The following NLGN1 variants were observed in gnomAD, a reference collection of about 807,000 sequenced individuals.
NLGN1 encodes the protein neuroligin-1.
NLGN1 carries 12 observed loss-of-function variants against 65.5 expected under a neutral mutation model. The observed-to-expected ratio is 0.18, with a 90% CI of 0.12 to 0.30. The LOEUF is 0.30. Among genes scored for constraint, NLGN1 ranks in the 10% least tolerant of loss-of-function variants. NLGN1 has a pLI of 1.00. For synonymous variants in NLGN1, 350 were observed against 359.5 expected (o/e 0.97, Z 0.30); for missense variants, 750 against 1,007.1 (o/e 0.74, Z 3.46).
chr3:173,870,719 A>T (rs939053356), intron 4 of NLGN1, among the ~76,000 whole-genome samples: 3 of 152,162 alleles, frequency 2.0e-5, no homozygotes, highest in African/African-American at 7.2e-5. Flanking sequence ...TAGAACATTC[A>T]TTGTGGTGCT....
chr3:173,663,302 G>A (rs1761210260), intron 3 of NLGN1, among the ~76,000 whole-genome samples: 1 of 151,890 alleles, frequency 6.6e-6, no homozygotes, highest in Non-Finnish European at 1.5e-5. Flanking sequence ...ACATAACAAT[G>A]ATTATGTTAA....
At chr3:174,234,249 C>T (rs1741244789) in intron 4 of NLGN1, among the ~76,000 whole-genome samples, 1 of 152,026 alleles carries the variant, frequency 6.6e-6, no homozygotes, top group African/African-American at 2.4e-5. Flanking sequence ...TACACTTGGT[C>T]AAGCAGGTGA....
At chr3:174,045,913 T>TA (rs1044059607) in intron 4 of NLGN1, among the ~76,000 whole-genome samples, 1 of 152,178 alleles carries the variant, frequency 6.6e-6, no homozygotes, top group African/African-American at 2.4e-5. Flanking sequence ...ATTTCTATAA[T>TA]AAGAATTCCA....
At chr3:173,928,714 C>T (rs951126677) in intron 4 of NLGN1, among the ~76,000 whole-genome samples, 1 of 150,240 alleles carries the variant, frequency 6.7e-6, no homozygotes, top group African/African-American at 2.5e-5. Context: ...CTCTGTTGCC[C>T]AGGCTGGAGT....
At chr3:173,509,115 T>C (rs9816017) in intron 2 of NLGN1, among the ~76,000 whole-genome samples, 20,721 of 152,090 alleles carry the variant, frequency 0.14, 2,828 homozygotes, top group African/African-American at 0.36. Context: ...AAACCTGAAG[T>C]TCATTAAATA....
chr3:174,018,754 AC>A (rs1727132606), intron 4 of NLGN1, among the ~76,000 whole-genome samples: 1 of 152,118 alleles, frequency 6.6e-6, no homozygotes, highest in East Asian at 1.9e-4. Flanking sequence ...TTCCTCTGCA[AC>A]CTCATATGCA....
intron 4 of NLGN1, among the ~76,000 whole-genome samples, chr3:173,836,530 C>T (rs1398931406): frequency 6.6e-6 from 1 of 152,104 alleles, no homozygotes; most frequent in Non-Finnish European, 1.5e-5. Flanking sequence ...AATATGCTCT[C>T]ACCAATAAAA....
rs1749903398 is a variant in NLGN1, at chr3:174,273,574, T to TA, written c.647-1741_647-1740insA. Among the ~76,000 whole-genome samples the TA allele has an allele frequency of 2.0e-5, 3 of 151,724 alleles. No individual in the cohort carries two copies. In the Admixed American group the frequency reaches 2.0e-4, roughly 10 times the overall value. ...TGAATATTGAGTATTTGCAAATACT[T>TA]CTATCTAAGAAGATACCATAAAAAT... On this transcript the variant is annotated intron_variant, in intron 4 of 6. Coordinates refer to ENST00000457714, the Ensembl canonical transcript of NLGN1.
chr3:174,038,276 C>T (rs181378663), intron 4 of NLGN1, among the ~76,000 whole-genome samples: 98 of 152,228 alleles, frequency 6.4e-4, no homozygotes, highest in South Asian at 3.1e-3. Context: ...GATTTTTTAA[C>T]GCCAAGGCTA....
chr3:173,875,258 A>G (rs1030130752), intron 4 of NLGN1, among the ~76,000 whole-genome samples: 2 of 152,188 alleles, frequency 1.3e-5, no homozygotes, highest in African/African-American at 2.4e-5. Flanking sequence ...ATTTCTACAT[A>G]TGACAGTGAC....
At position 173,895,771 on chromosome 3, in the gene NLGN1, A is replaced by G. The variant is rs1736243162; in HGVS notation, c.646+87939A>G. 2.6e-5 allele frequency among the ~76,000 whole-genome samples: 4 copies of G among 151,322 alleles called. No individual in the cohort carries two copies. The South Asian group carries it at 8.4e-4, about 32-fold the overall frequency. On this transcript the variant is annotated intron_variant, in intron 4 of 6. Coordinates refer to ENST00000457714, the Ensembl canonical transcript of NLGN1. ...AGTGGCATGATCTCGGCTCACTACA[A>G]CCTCTCCCTCCTGGGTTCAAGCGAT...
rs377120590 is a variant in NLGN1 at position 173,467,709 on chromosome 3, T to C, written c.-321+32631T>C. On this transcript the variant is annotated intron_variant, in intron 2 of 6. Transcript: ENST00000457714. ...ACCTAGAACACTCCATGACACATAG[T>C]CACTATTTAGTAAATAACTAGGTCA... 9.8e-5 allele frequency among the ~76,000 whole-genome samples: 15 copies of C among 152,300 alleles called. No homozygotes were observed. In the South Asian group the frequency reaches 1.7e-3, roughly 17 times the overall value.
intron 2 of NLGN1, among the ~76,000 whole-genome samples, chr3:173,591,233 A>C (rs1258363220): frequency 6.6e-6 from 1 of 152,194 alleles, no homozygotes; most frequent in Non-Finnish European, 1.5e-5. Flanking sequence ...TTGATATACT[A>C]TTTGTGTTAC....
At chr3:173,873,090 A>ATT (rs71702635) in intron 4 of NLGN1, among the ~76,000 whole-genome samples, 3,122 of 141,322 alleles carry the variant, frequency 0.022, 117 homozygotes, top group African/African-American at 0.075. Context: ...TGTATGATGG[A>ATT]TTTTTTTTTT....
intron 4 of NLGN1, among the ~76,000 whole-genome samples, chr3:173,892,672 C>T (rs1023902372): frequency 6.8e-6 from 1 of 148,130 alleles, no homozygotes; most frequent in Non-Finnish European, 1.5e-5. Flanking sequence ...GCCATGATAT[C>T]CAATTGCCAG....
intron 3 of NLGN1, among the ~76,000 whole-genome samples, chr3:173,664,311 A>G (rs1761398974): frequency 6.6e-6 from 1 of 152,100 alleles, no homozygotes; most frequent in Non-Finnish European, 1.5e-5. Context: ...AAAGCCCACA[A>G]CATTTATTTA....
At chr3:174,182,108 T>G (rs1730556666) in intron 4 of NLGN1, among the ~76,000 whole-genome samples, 1 of 152,056 alleles carries the variant, frequency 6.6e-6, no homozygotes, top group African/African-American at 2.4e-5. Flanking sequence ...TCCCCTTCAC[T>G]TTTCATATCC....
At chr3:173,461,180 T>A (rs896135724) in intron 2 of NLGN1, among the ~76,000 whole-genome samples, 1 of 152,102 alleles carries the variant, frequency 6.6e-6, no homozygotes, top group Non-Finnish European at 1.5e-5. Context: ...GACTGAACTG[T>A]CCATGCATGG....
intron 4 of NLGN1, among the ~76,000 whole-genome samples, chr3:173,998,807 C>T: frequency 6.6e-6 from 1 of 152,308 alleles, no homozygotes; most frequent in African/African-American, 2.4e-5. Context: ...AAGCTATCAA[C>T]CCCTGAAATA....
Sources: allele counts gnomAD v4.1 joint callset (sites outside exome capture counted in the v4.1 genomes callset), GRCh38; gene constraint gnomAD v4.1.1; transcripts MANE v1.5; gene names NCBI Gene and HGNC (gene_info 2026-07-23, HGNC 2026-07-21).